CBR1: variants seen among roughly 807,000 people sequenced by gnomAD.
CBR1 encodes the protein carbonyl reductase [NADPH] 1.
A neutral mutation model predicts 10.6 loss-of-function variants in CBR1; 11 were observed. The ratio of observed to expected loss-of-function variants is 1.03; its 90% confidence interval spans 0.65 to 1.71. The LOEUF is 1.71. Among genes scored for constraint, CBR1 ranks in the 40% most tolerant of loss-of-function variants. The pLI is 0.00. For synonymous variants in CBR1, 158 were observed against 156.7 expected, an observed-to-expected ratio of 1.01 and a Z score of -0.06; for missense variants, 361 against 368.6, an observed-to-expected ratio of 0.98 and a Z score of 0.17.
chr21:36,071,912 C>T, intron 2 of CBR1: 1 of 1,536,080 alleles, frequency 6.5e-7, no homozygotes, highest in South Asian at 1.2e-5. Context: ...CCATAATCTG[C>T]CGCTGCTTAA....
At chr21:36,072,421 CA>C in intron 2 of CBR1, 24 bp from the exon 3 acceptor site, 1 of 1,614,092 alleles carries the variant, frequency 6.2e-7, no homozygotes, top group Non-Finnish European at 8.5e-7. Context: ...CACCTTTCTA[CA>C]TAATGCTTTG....
At position 36,070,051 on chromosome 21, in the gene CBR1, G is replaced by A. The variant is rs2065336417; in HGVS notation, c.-65G>A. On this transcript the variant is annotated 5_prime_UTR_variant, in exon 1 of 3. Coordinates refer to ENST00000290349, the MANE Select transcript of CBR1 (RefSeq NM_001757.4). Reference sequence around the variant, plus strand: ...ACTCGAGCAGTCTCTGGAACACGCTGCGGGGCTCCCGGGCCTGAGCCAGGT... The same window carrying A: ...ACTCGAGCAGTCTCTGGAACACGCTACGGGGCTCCCGGGCCTGAGCCAGGT... The A allele has an allele frequency of 7.0e-7, 1 of 1,434,680 alleles. No homozygotes were observed. Among genetic ancestry groups the A allele is most frequent in the Admixed American group, 3.0e-5 (1 of 33,872 alleles). The allele number at this position is 1,434,680 out of a possible 1,614,324, so 88.9% of individuals were successfully genotyped here. A position where few individuals can be genotyped will look rare whatever the true frequency, so the allele number is the denominator to read the frequency against.
intron 1 of CBR1, 69 bp from the exon 2 acceptor site, chr21:36,070,881 A>G: frequency 5.9e-6 from 3 of 506,990 alleles, no homozygotes; most frequent in Admixed American, 4.4e-5. Flanking sequence ...TTTTTTTTTT[A>G]GTATCATTGT....
chr21:36,071,692 T>A, intron 2 of CBR1: 1 of 645,158 alleles, frequency 1.6e-6, no homozygotes, highest in Non-Finnish European at 2.7e-6. Flanking sequence ...TTGTGCCCAC[T>A]GAGTTCCTCC....
chr21:36,070,256 A>C lies in CBR1; in HGVS notation c.141A>C (p.Val47=), dbSNP rs1568956412. Residue 47 remains valine, a synonymous_variant, in exon 1 of 3, where the codon GTA becomes GTC. Coordinates refer to ENST00000290349, the MANE Select transcript of CBR1 (RefSeq NM_001757.4). ...ARDVTRGQAA[V]QQLQAEGLSP... ...ACGTGACGCGGGGCCAGGCGGCCGT[A>C]CAGCAGCTGCAGGCGGAGGGCCTGA... The C allele has an allele frequency of 1.2e-6, 2 of 1,611,736 alleles. No homozygotes were observed. The highest frequency in any genetic ancestry group is 1.7e-6 in the Non-Finnish European group (2 of 1,179,728).
rs886383911 is a variant in CBR1, at chr21:36,072,944, G to A, written c.*62G>A. On this transcript the variant is annotated 3_prime_UTR_variant, in exon 3 of 3. Coordinates refer to ENST00000290349, the MANE Select transcript of CBR1 (RefSeq NM_001757.4). ...TACCTTGTCCTGAGTTGGTCCAAAG[G>A]GCATTTACAATGTCATAAATATCCT... 11 of 1,170,626 alleles carry A rather than the reference G, an allele frequency of 9.4e-6. No homozygotes were observed. Among genetic ancestry groups the A allele is most frequent in the Middle Eastern group, 2.1e-4 (1 of 4,772 alleles). The allele number at this position is 1,170,626 out of a possible 1,614,324, so 72.5% of individuals were successfully genotyped here. A position where few individuals can be genotyped will look rare whatever the true frequency, so the allele number is the denominator to read the frequency against.
chr21:36,071,109 CT>C (rs1468372916), intron 2 of CBR1, 52 bp downstream of exon 2: 2 of 1,228,952 alleles, frequency 1.6e-6, no homozygotes, highest in Non-Finnish European at 2.4e-6. Context: ...GATTTGGCCC[CT>C]GCTTGCCTGG....
Position 36,071,046 on chromosome 21 carries a change from T to C in CBR1, c.386T>C (p.Ile129Thr), listed in dbSNP as rs781715120. The part of the protein sequence containing the change: ...RDVCTELLPL[I>T]KPQGRVVNVS... ...GTGTGCACAGAATTACTCCCTCTAA[T>C]AAAACCCCAAGGTGAGTCTGATGGG... Residue 129 changes from isoleucine to threonine, a missense_variant, in exon 2 of 3, where the codon ATA becomes ACA. By Grantham distance (89) the Ile-to-Thr change is moderately conservative (BLOSUM62 -1). Coordinates refer to ENST00000290349, the MANE Select transcript of CBR1 (RefSeq NM_001757.4). 8.1e-6 allele frequency: 13 copies of C among 1,609,032 alleles called. No homozygotes were observed. The highest frequency in any genetic ancestry group is 1.0e-5 in the Non-Finnish European group (12 of 1,175,506).
intron 1 of CBR1, 33 bp from the exon 2 acceptor site, chr21:36,070,917 T>C (rs763727671): frequency 1.6e-6 from 2 of 1,282,916 alleles, no homozygotes; most frequent in Non-Finnish European, 2.3e-6. Flanking sequence ...ATGGGTACAA[T>C]GTATTAACTA....
rs2065339954 is a variant in CBR1, at chr21:36,070,283, C to T, written c.168C>T (p.Ser56=). 6.2e-7 allele frequency: 1 copy of T among 1,612,504 alleles called. No homozygotes were observed. The highest frequency in any genetic ancestry group is 8.5e-7 in the Non-Finnish European group (1 of 1,179,888). ...AVQQLQAEGL[S]PRFHQLDIDD... ...AGCAGCTGCAGGCGGAGGGCCTGAG[C>T]CCGCGCTTCCACCAGCTGGACATCG... is the stretch of plus-strand genomic sequence containing the variant. The change falls in exon 1 of 3, where the codon AGC becomes AGT. Residue 56 remains serine (S), a synonymous_variant. Transcript: ENST00000290349.
intron 2 of CBR1, chr21:36,071,971 T>C: frequency 6.5e-7 from 1 of 1,535,852 alleles, no homozygotes; most frequent in Non-Finnish European, 8.7e-7. Flanking sequence ...GTGCTGGACA[T>C]GACTATCACA....
At position 36,070,418 on chromosome 21, in the gene CBR1, A is replaced by G. The variant is rs756821807; in HGVS notation, c.289+14A>G. The G allele has an allele frequency of 1.3e-6, 2 of 1,572,778 alleles. No individual in the cohort carries two copies. Among genetic ancestry groups the G allele is most frequent in the South Asian group, 2.3e-5 (2 of 86,322 alleles). Reference sequence around the variant, plus strand: ...TCGCCTTCAAGGGTATGGGGAGGGGACGTGGCCTCCCCGAAGAAGAACCGA... The same window carrying G: ...TCGCCTTCAAGGGTATGGGGAGGGGGCGTGGCCTCCCCGAAGAAGAACCGA... On this transcript the variant is annotated intron_variant, in intron 1 of 2. Coordinates refer to ENST00000290349, the MANE Select transcript of CBR1 (RefSeq NM_001757.4).
intron 1 of CBR1, 86 bp from the exon 2 acceptor site, chr21:36,070,853 GTTTTTTTTTTT>G: frequency 5.9e-6 from 3 of 509,242 alleles, no homozygotes; most frequent in Non-Finnish European, 9.5e-6. Flanking sequence ...AGGGCACTAA[GTTTTTTTTTTT>G]TTTTTTTTTT....
In CBR1 at chr21:36,071,361, G is replaced by A. The variant is rs190160512; in HGVS notation, c.397+304G>A. The A allele has an allele frequency of 5.8e-4, 354 of 609,174 alleles. 1 individual carries two copies. The highest frequency in any genetic ancestry group is 1.9e-3 in the East Asian group (70 of 36,534). The allele number at this position is 609,174 out of a possible 1,614,324, so 37.7% of individuals were successfully genotyped here. ...CTCTTTATTTGCTCCATTCCCCTCT[G>A]CGTGGGAGTCCATCCTGTACCCTTT... On this transcript the variant is annotated intron_variant, in intron 2 of 2. Transcript: ENST00000290349.
In CBR1 at chr21:36,072,714, C is replaced by A. The variant is rs5031013; in HGVS notation, c.666C>A (p.Leu222=). 417 of 1,614,160 alleles carry A rather than the reference C, an allele frequency of 2.6e-4. 5 individuals are homozygous for A. In the African/African-American group the frequency reaches 5.1e-3, roughly 20 times the overall value. The change falls in exon 3 of 3, where the codon CTC becomes CTA. Residue 222 remains leucine, a synonymous_variant. Coordinates refer to ENST00000290349, the MANE Select transcript of CBR1 (RefSeq NM_001757.4). ...AGCAGAGGAAAGGGGACAAGATCCTCCTGAATGCCTGCTGCCCAGGGTGGG... is the reference window on the plus strand; with the variant it reads ...AGCAGAGGAAAGGGGACAAGATCCTACTGAATGCCTGCTGCCCAGGGTGGG... ...LSEQRKGDKI[L]LNACCPGWVR...
intron 1 of CBR1, 51 bp downstream of exon 1, chr21:36,070,455 T>G: frequency 6.6e-7 from 1 of 1,520,406 alleles, no homozygotes. Flanking sequence ...GCACTGGGGC[T>G]CCTGGCGTCT....
chr21:36,073,163 T>G lies in CBR1; in HGVS notation c.*281T>G. 3.1e-6 allele frequency: 1 copy of G among 318,060 alleles called. No homozygotes were observed. The highest frequency in any genetic ancestry group is 5.8e-6 in the Non-Finnish European group (1 of 172,888). 19.7% of individuals were successfully genotyped at this position (318,060 alleles called of 1,614,324 possible). On this transcript the variant is annotated 3_prime_UTR_variant, in exon 3 of 3. Transcript: ENST00000290349. ...AGATGAATAAATGGTTCTTTATAAG[T>G]GTCCATTTGTACAGATTGTTTAGAT...
intron 2 of CBR1, chr21:36,071,955 C>A: frequency 6.5e-7 from 1 of 1,535,958 alleles, no homozygotes; most frequent in Non-Finnish European, 8.7e-7. Flanking sequence ...CTTCAACGTG[C>A]TGAAGGTGCT....
chr21:36,070,442 G>C, intron 1 of CBR1, 38 bp downstream of exon 1: 2 of 1,542,398 alleles, frequency 1.3e-6, no homozygotes, highest in Non-Finnish European at 1.7e-6. Flanking sequence ...AAGAAGAACC[G>C]ATGCACTGGG....
Sources: allele counts gnomAD v4.1 joint callset, GRCh38; gene constraint gnomAD v4.1.1; transcripts MANE v1.5; gene names NCBI Gene and HGNC (gene_info 2026-07-23, HGNC 2026-07-21).